The following ADARB1 variants were observed in gnomAD, a reference collection of about 807,000 sequenced individuals.
The protein encoded by ADARB1 is adenosine deaminase RNA specific B1, also known as double-stranded RNA-specific editase 1.
ADARB1 carries 10 observed loss-of-function variants against 52.4 expected under a neutral mutation model. The observed-to-expected ratio is 0.19, with a 90% CI of 0.12 to 0.32. ADARB1 has a LOEUF of 0.32. Ranked by LOEUF, ADARB1 falls within the 10% of genes least tolerant of loss-of-function variation. ADARB1 has a pLI of 1.00. For synonymous variants in ADARB1, 349 were observed against 371.1 expected, an observed-to-expected ratio of 0.94 and a Z score of 0.68; for missense variants, 643 against 922.3, an observed-to-expected ratio of 0.70 and a Z score of 3.92.
chr21:45,092,357 C>A (rs992230982), intron 1 of ADARB1, among the ~76,000 whole-genome samples: 1 of 152,236 alleles, frequency 6.6e-6, no homozygotes, highest in Non-Finnish European at 1.5e-5. Flanking sequence ...TCTCTCTTCT[C>A]ATTCTCTCTA....
At chr21:45,154,891 C>T (rs2090475911) in intron 2 of ADARB1, among the ~76,000 whole-genome samples, 1 of 152,220 alleles carries the variant, frequency 6.6e-6, no homozygotes, top group Non-Finnish European at 1.5e-5. Flanking sequence ...TGGAGCGCTT[C>T]CTGCACCCAG....
intron 1 of ADARB1, among the ~76,000 whole-genome samples, chr21:45,109,535 G>A (rs915987866): frequency 2.0e-5 from 3 of 152,180 alleles, no homozygotes; most frequent in Non-Finnish European, 4.4e-5. Flanking sequence ...CGTCGCCTGC[G>A]TCACCACTTC....
At chr21:45,197,472 C>T (rs1012337604) in intron 8 of ADARB1, among the ~76,000 whole-genome samples, 3 of 151,230 alleles carry the variant, frequency 2.0e-5, no homozygotes, top group Admixed American at 6.6e-5. Context: ...TGCGCTCCAG[C>T]CTGGGGAACA....
At chr21:45,120,297 G>C (rs955652098) in intron 1 of ADARB1, among the ~76,000 whole-genome samples, 6 of 152,150 alleles carry the variant, frequency 3.9e-5, no homozygotes, top group South Asian at 2.1e-4. Flanking sequence ...GTGGGGTATT[G>C]GGTTCTTTTG....
chr21:45,079,087 G>A lies in ADARB1; in HGVS notation c.-220+4294G>A, dbSNP rs1313089107. On this transcript the variant is annotated intron_variant, in intron 1 of 10. Transcript: ENST00000348831. ...CAGCAAGGAGATCAGTTAGACTTTT[G>A]TGAAAGCTGGGTGACTGTACCGGCA... Among the ~76,000 whole-genome samples the A allele has an allele frequency of 3.3e-5, 5 of 152,168 alleles. No individual in the cohort carries two copies. In the East Asian group the frequency reaches 7.7e-4, roughly 23 times the overall value.
Position 45,221,147 on chromosome 21 carries a change from T to G in ADARB1, c.1926+133T>G. Reference sequence around the variant, plus strand: ...TTCCGAAAACGATCACTTGGAATGATTCTTCCTTCAGATTGTTTTAGCTTA... The same window carrying G: ...TTCCGAAAACGATCACTTGGAATGAGTCTTCCTTCAGATTGTTTTAGCTTA... On this transcript the variant is annotated intron_variant, in intron 10 of 10. Transcript: ENST00000348831. The surrounding 1 kb of genome is among the most constrained non-coding windows in gnomAD (Gnocchi z 4.9). The G allele has an allele frequency of 8.9e-7, 1 of 1,125,202 alleles. No homozygotes were observed. The highest frequency in any genetic ancestry group is 1.2e-6 in the Non-Finnish European group (1 of 809,494). 69.7% of individuals were successfully genotyped at this position (1,125,202 alleles called of 1,614,324 possible). A position where few individuals can be genotyped will look rare whatever the true frequency, so the allele number is the denominator to read the frequency against.
chr21:45,166,959 A>G (rs987471175), intron 2 of ADARB1, among the ~76,000 whole-genome samples: 19 of 152,032 alleles, frequency 1.2e-4, no homozygotes, highest in African/African-American at 4.1e-4. Flanking sequence ...ATTTGTTTGT[A>G]GTTCAGGTCA....
At chr21:45,155,458 G>A (rs994017352) in intron 2 of ADARB1, among the ~76,000 whole-genome samples, 4 of 152,046 alleles carry the variant, frequency 2.6e-5, no homozygotes, top group Non-Finnish European at 5.9e-5. Flanking sequence ...AGCACCTGGA[G>A]GTATAGGACG....
intron 2 of ADARB1, among the ~76,000 whole-genome samples, chr21:45,167,537 G>A (rs1328997500): frequency 2.0e-5 from 3 of 152,154 alleles, no homozygotes; most frequent in Non-Finnish European, 4.4e-5. Context: ...GATCACCTGA[G>A]GTCAGGAGTT....
chr21:45,177,008 G>A lies in ADARB1; in HGVS notation c.963+344G>A, dbSNP rs552958132. On this transcript the variant is annotated intron_variant, in intron 4 of 10. Transcript: ENST00000348831. ...ACAGCAAGCCTTTAGCAGGAGAGAC[G>A]GAAGAAGAGCCCAGTCTTTGAAACC... 5.9e-4 allele frequency: 129 copies of A among 217,134 alleles called. 1 individual carries two copies. Among genetic ancestry groups the A allele is most frequent in the Non-Finnish European group, 1.0e-3 (113 of 109,154 alleles). 13.5% of individuals were successfully genotyped at this position (217,134 alleles called of 1,614,324 possible). A position where few individuals can be genotyped will look rare whatever the true frequency, so the allele number is the denominator to read the frequency against.
chr21:45,176,623 C>T lies in ADARB1; in HGVS notation c.922C>T (p.Gln308Ter). The change falls in exon 4 of 11, where the codon CAG becomes TAG. Residue 308 changes from glutamine to a stop codon, truncating the protein, a stop_gained. Coordinates refer to ENST00000348831, the MANE Select transcript of ADARB1 (RefSeq NM_001112.4). LOFTEE classifies it high-confidence loss of function. This position sits in a 1 kb window ranked among gnomAD's most constrained non-coding sequence, Gnocchi z 5.8. ...GCACTTGGATCAGACGCCATCTCGC[C>T]AGCCTATTCCCAGTGAGGGTCTTCA... is the stretch of plus-strand genomic sequence containing the variant. ...NLHLDQTPSR[Q>*]PIPSEGLQLH... The T allele has an allele frequency of 6.2e-7, 1 of 1,613,460 alleles. No homozygotes were observed. The highest frequency in any genetic ancestry group is 8.5e-7 in the Non-Finnish European group (1 of 1,179,704).
intron 1 of ADARB1, among the ~76,000 whole-genome samples, chr21:45,104,342 G>A (rs367610198): frequency 2.0e-5 from 3 of 152,266 alleles, no homozygotes. Flanking sequence ...GTGCAGTGGA[G>A]GCTGTAAAGG....
At chr21:45,079,880 A>G (rs1375032459) in intron 1 of ADARB1, among the ~76,000 whole-genome samples, 2 of 152,212 alleles carry the variant, frequency 1.3e-5, no homozygotes, top group Non-Finnish European at 2.9e-5. Context: ...TGAGGCATAC[A>G]GTATGGATAC....
intron 1 of ADARB1, among the ~76,000 whole-genome samples, chr21:45,085,952 C>T (rs2086325072): frequency 6.6e-6 from 1 of 152,230 alleles, no homozygotes; most frequent in Non-Finnish European, 1.5e-5. Context: ...ATGTGTGGCA[C>T]AGGCAAGAAG....
intron 1 of ADARB1, among the ~76,000 whole-genome samples, chr21:45,079,498 A>G (rs2086071202): frequency 6.6e-6 from 1 of 152,188 alleles, no homozygotes; most frequent in Admixed American, 6.5e-5. Context: ...GAACATGTGG[A>G]GCTTGTGACT....
chr21:45,192,211 A>G, intron 8 of ADARB1, among the ~76,000 whole-genome samples: 1 of 152,212 alleles, frequency 6.6e-6, no homozygotes, highest in East Asian at 1.9e-4. Context: ...GAAGAATGCT[A>G]GAATTTTACT....
rs1273801526 is a variant in ADARB1 at position 45,225,844 on chromosome 21, G to C, written c.*3647G>C. 2.9e-5 allele frequency: 10 copies of C among 347,986 alleles called. No individual in the cohort carries two copies. The highest frequency in any genetic ancestry group is 1.9e-4 in the Admixed American group (4 of 21,108). The allele number at this position is 347,986 out of a possible 1,614,324, so 21.6% of individuals were successfully genotyped here. On this transcript the variant is annotated 3_prime_UTR_variant, in exon 11 of 11. Transcript: ENST00000348831. The stretch of plus-strand genomic sequence containing the variant: ...AAGTGGAAAGGGCATTGTGTTCCGT[G>C]TGTGTCCAGTTTACAGCGTCTCTGC...
chr21:45,174,963 T>G (rs1205873196), intron 3 of ADARB1, among the ~76,000 whole-genome samples: 1 of 152,184 alleles, frequency 6.6e-6, no homozygotes, highest in Non-Finnish European at 1.5e-5. Context: ...TTGTGTCTTG[T>G]TCTTACACAC....
chr21:45,137,175 C>T (rs1365796647), intron 2 of ADARB1: 1 of 152,164 alleles, frequency 6.6e-6, no homozygotes, highest in Admixed American at 6.5e-5. Context: ...AGAAGATTCA[C>T]GTGTAGATCC....
Sources: allele counts gnomAD v4.1 joint callset (sites outside exome capture counted in the v4.1 genomes callset), GRCh38; gene constraint gnomAD v4.1.1; non-coding constraint Gnocchi (gnomAD v3.1); transcripts MANE v1.5; gene names NCBI Gene and HGNC (gene_info 2026-07-23, HGNC 2026-07-21).